CDKAL1: variants seen among roughly 807,000 people sequenced by gnomAD.
The protein encoded by CDKAL1 is CDKAL1 threonylcarbamoyladenosine tRNA methylthiotransferase.
A neutral mutation model predicts 68.2 loss-of-function variants in CDKAL1; 32 were observed. The observed-to-expected ratio is 0.47, with a 90% confidence interval of 0.35 to 0.63. The LOEUF is 0.63. Among genes scored for constraint, CDKAL1 ranks in the 30% least tolerant of loss-of-function variants. The probability of loss-of-function intolerance (pLI) is 0.00; values close to 1 mark genes in which losing one functional copy is unlikely to be tolerated. For synonymous variants in CDKAL1, 234 were observed against 244.3 expected (o/e 0.96, Z 0.39); for missense variants, 606 against 696.7 (o/e 0.87, Z 1.47).
chr6:20,800,199 C>T (rs1419202425), intron 8 of CDKAL1, among the ~76,000 whole-genome samples: 1 of 151,958 alleles, frequency 6.6e-6, no homozygotes, highest in Non-Finnish European at 1.5e-5. Flanking sequence ...GCTTTATTTG[C>T]AATAGCCAAA....
chr6:21,064,602 A>G (rs753601261), intron 11 of CDKAL1, among the ~76,000 whole-genome samples: 4 of 152,192 alleles, frequency 2.6e-5, no homozygotes, highest in Non-Finnish European at 5.9e-5. Context: ...TAGTATATCA[A>G]TTGGCTCTAC....
At chr6:21,160,668 T>G (rs1776883202) in intron 13 of CDKAL1, among the ~76,000 whole-genome samples, 1 of 129,812 alleles carries the variant, frequency 7.7e-6, no homozygotes, top group African/African-American at 2.9e-5. Flanking sequence ...TGTGTGTGTG[T>G]GTGTGTGTGT....
chr6:21,187,180 A>T (rs1382111431), intron 13 of CDKAL1, among the ~76,000 whole-genome samples: 1 of 152,210 alleles, frequency 6.6e-6, no homozygotes, highest in Non-Finnish European at 1.5e-5. Context: ...ACTACTGTAT[A>T]CATGGTGCAG....
intron 2 of CDKAL1, among the ~76,000 whole-genome samples, chr6:20,541,058 G>A (rs1287892352): frequency 6.6e-6 from 1 of 152,190 alleles, no homozygotes. Flanking sequence ...ATTTCTTACT[G>A]CAGTTCTTCA....
At chr6:20,846,266 T>C in intron 9 of CDKAL1, 88 bp downstream of exon 9, 1 of 698,792 alleles carries the variant, frequency 1.4e-6, no homozygotes, top group East Asian at 2.8e-5. Context: ...AGAGACCAAC[T>C]TCTTTAGTTT....
intron 5 of CDKAL1, among the ~76,000 whole-genome samples, chr6:20,732,263 C>CTTTCTTTTTTTTTT (rs1457615376): frequency 2.9e-4 from 24 of 83,482 alleles, no homozygotes; most frequent in East Asian, 8.4e-4. Flanking sequence ...TTCTTTCTTT[C>CTTTCTTTTTTTTTT]TTTTTTTTTT....
chr6:21,198,111 G>A lies in CDKAL1; in HGVS notation c.1383+7G>A. ...CAATCAATTCTATGAGCAGGTAAGAGGCACTTCAGTATTCTTGAGTTTTCT... is the reference window on the plus strand; with the variant it reads ...CAATCAATTCTATGAGCAGGTAAGAAGCACTTCAGTATTCTTGAGTTTTCT... On this transcript the variant is annotated splice_region_variant and intron_variant, in intron 14 of 15. Transcript: ENST00000274695. The A allele has an allele frequency of 6.4e-7, 1 of 1,572,952 alleles. No homozygotes were observed.
Position 20,784,412 on chromosome 6 carries a change from C to CTT in CDKAL1, c.638+3175_638+3176dup, listed in dbSNP as rs1175015329. 9.4e-3 allele frequency among the ~76,000 whole-genome samples: 313 copies of CTT among 33,470 alleles called. 140 individuals are homozygous for CTT. The highest frequency in any genetic ancestry group is 0.028 in the African/African-American group (240 of 8,546). The allele number at this position is 33,470 out of a possible 152,430, so 22.0% of individuals were successfully genotyped here. A position where few individuals can be genotyped will look rare whatever the true frequency, so the allele number is the denominator to read the frequency against. ...TTTTTTTCTTCCAGATATTTTATTT[C>CTT]TTTTTTTTTTTTTTTTTTTTTTTTT... On this transcript the variant is annotated intron_variant, in intron 8 of 15. Coordinates refer to ENST00000274695, the MANE Select transcript of CDKAL1 (RefSeq NM_017774.3).
intron 11 of CDKAL1, among the ~76,000 whole-genome samples, chr6:21,014,612 TA>T (rs34834774): frequency 4.3e-3 from 541 of 126,528 alleles, no homozygotes; most frequent in South Asian, 5.5e-3. Context: ...CTCCGTCTCA[TA>T]AAAAAAAAAA....
intron 12 of CDKAL1, among the ~76,000 whole-genome samples, chr6:21,107,122 T>G (rs1421313064): frequency 6.6e-6 from 1 of 151,776 alleles, no homozygotes; most frequent in Admixed American, 6.6e-5. Flanking sequence ...TAATTTTTTG[T>G]GTTTTTAGTA....
At chr6:20,843,355 C>T (rs897373726) in intron 8 of CDKAL1, among the ~76,000 whole-genome samples, 1 of 151,946 alleles carries the variant, frequency 6.6e-6, no homozygotes, top group African/African-American at 2.4e-5. Flanking sequence ...TTCCTTAAGA[C>T]AGTTACTTTT....
At chr6:20,745,449 AT>A (rs902104708) in intron 6 of CDKAL1, among the ~76,000 whole-genome samples, 12 of 151,212 alleles carry the variant, frequency 7.9e-5, no homozygotes, top group Non-Finnish European at 1.3e-4. Context: ...GCCATGTTCT[AT>A]TTTTTTTTAA....
intron 9 of CDKAL1, among the ~76,000 whole-genome samples, chr6:20,862,068 G>A (rs550914801): frequency 1.1e-4 from 16 of 152,110 alleles, no homozygotes; most frequent in Admixed American, 1.3e-4. Flanking sequence ...TTATAATACC[G>A]TTACATTTAA....
intron 5 of CDKAL1, among the ~76,000 whole-genome samples, chr6:20,668,819 TTTTC>T: frequency 6.6e-6 from 1 of 152,332 alleles, no homozygotes; most frequent in African/African-American, 2.4e-5. Context: ...ATCCTCATTT[TTTTC>T]TTCTTCTTTT....
At chr6:20,989,546 T>C (rs1766674972) in intron 10 of CDKAL1, among the ~76,000 whole-genome samples, 1 of 152,202 alleles carries the variant, frequency 6.6e-6, no homozygotes, top group African/African-American at 2.4e-5. Flanking sequence ...CAATTATGTA[T>C]ATCATATTTA....
At chr6:20,756,913 T>G (rs867730635) in intron 6 of CDKAL1, 1 of 104,732 alleles carries the variant, frequency 9.5e-6, no homozygotes, top group African/African-American at 3.8e-5. Flanking sequence ...CCTTCCTTCC[T>G]TCCTTCCTTC....
chr6:20,786,269 T>G (rs1161364140), intron 8 of CDKAL1, among the ~76,000 whole-genome samples: 2 of 152,082 alleles, frequency 1.3e-5, no homozygotes, highest in Non-Finnish European at 2.9e-5. Flanking sequence ...ATCAGTTGCT[T>G]TAGCCAAGGA....
At chr6:20,850,767 A>G (rs1190572420) in intron 9 of CDKAL1, among the ~76,000 whole-genome samples, 3 of 152,142 alleles carry the variant, frequency 2.0e-5, no homozygotes, top group Admixed American at 2.0e-4. Flanking sequence ...TTGTTAGTCT[A>G]ATGAATGAGG....
Position 20,895,579 on chromosome 6 carries a change from C to CA in CDKAL1, c.742+49402dup, listed in dbSNP as rs1761637012. ...TTTGTAGGAAAGATGGACATGAATA[C>CA]AGATGCATTCATTCAGTATGTTCTT... On this transcript the variant is annotated intron_variant, in intron 9 of 15. Coordinates refer to ENST00000274695, the MANE Select transcript of CDKAL1 (RefSeq NM_017774.3). Among the ~76,000 whole-genome samples the CA allele has an allele frequency of 2.0e-5, 3 of 152,198 alleles. No homozygotes were observed. The South Asian group carries it at 6.2e-4, about 31-fold the overall frequency.
Sources: allele counts gnomAD v4.1 joint callset (sites outside exome capture counted in the v4.1 genomes callset), GRCh38; gene constraint gnomAD v4.1.1; transcripts MANE v1.5; gene names NCBI Gene and HGNC (gene_info 2026-07-23, HGNC 2026-07-21).